CA10: variants seen among roughly 807,000 people sequenced by gnomAD.
The protein encoded by CA10 is carbonic anhydrase 10 (inactive), also known as carbonic anhydrase-related protein 10.
In CA10, 14 loss-of-function variants were observed where a neutral mutation model predicts 44.2. That is an observed-to-expected ratio of 0.32 (90% CI 0.21 to 0.50). The LOEUF is 0.50. CA10 is among the 20% of genes least tolerant of loss of function. The pLI, the probability that CA10 is intolerant of heterozygous loss-of-function variation, is 0.99. For synonymous variants in CA10, 159 were observed against 141.6 expected (o/e 1.12, Z -0.87); for missense variants, 350 against 409.7 (o/e 0.85, Z 1.26).
intron 4 of CA10, among the ~76,000 whole-genome samples, chr17:51,689,224 AT>A (rs1317954471): frequency 2.0e-5 from 3 of 152,212 alleles, no homozygotes; most frequent in African/African-American, 7.2e-5. Flanking sequence ...TATCTGCTAT[AT>A]AAAATACTAT....
In CA10 at chr17:51,948,806, A is replaced by G. The variant is rs977605095; in HGVS notation, c.137-17674T>C. 2.0e-5 allele frequency among the ~76,000 whole-genome samples: 3 copies of G among 152,138 alleles called. No individual in the cohort carries two copies. The East Asian group carries it at 5.8e-4, about 29-fold the overall frequency. On this transcript the variant is annotated intron_variant, in intron 2 of 8. Coordinates refer to ENST00000451037, the MANE Select transcript of CA10 (RefSeq NM_020178.5). ...CACTGGGCCCTAATTGACATAACTT[A>G]TTACTTGTAACAGAGTTACACAGAT... is the stretch of plus-strand genomic sequence containing the variant.
At chr17:52,078,783 G>A (rs1987884997) in intron 1 of CA10, among the ~76,000 whole-genome samples, 1 of 152,184 alleles carries the variant, frequency 6.6e-6, no homozygotes, top group East Asian at 1.9e-4. Flanking sequence ...TGAGCTGCAT[G>A]GCACTCACTA....
At chr17:51,871,333 G>C in intron 3 of CA10, among the ~76,000 whole-genome samples, 1 of 150,764 alleles carries the variant, frequency 6.6e-6, no homozygotes, top group East Asian at 1.9e-4. Flanking sequence ...CCAGGTTCAA[G>C]CGATTCTCCT....
At chr17:51,848,711 A>G (rs1271684028) in intron 3 of CA10, among the ~76,000 whole-genome samples, 1 of 152,200 alleles carries the variant, frequency 6.6e-6, no homozygotes, top group Admixed American at 6.5e-5. Context: ...CAAAACATTT[A>G]TAGTGGCCGG....
intron 3 of CA10, among the ~76,000 whole-genome samples, chr17:51,925,538 A>T (rs203080): frequency 0.68 from 103,360 of 151,896 alleles, 35,495 homozygotes; most frequent in Non-Finnish European, 0.71. Flanking sequence ...AGTGTGACAA[A>T]CCTCAAAAAG....
intron 3 of CA10, among the ~76,000 whole-genome samples, chr17:51,859,435 A>G (rs1275481904): frequency 6.6e-6 from 1 of 152,122 alleles, no homozygotes; most frequent in African/African-American, 2.4e-5. Flanking sequence ...CTGTTCCCTC[A>G]TATTGGAATT....
intron 1 of CA10, among the ~76,000 whole-genome samples, chr17:52,114,770 TATA>T (rs1367265259): frequency 6.6e-6 from 1 of 152,160 alleles, no homozygotes; most frequent in African/African-American, 2.4e-5. Flanking sequence ...ACGACCTAAT[TATA>T]ATATTATAAT....
chr17:51,693,488 T>G (rs916385726), intron 4 of CA10, among the ~76,000 whole-genome samples: 1 of 152,138 alleles, frequency 6.6e-6, no homozygotes, highest in Non-Finnish European at 1.5e-5. Flanking sequence ...TTTCACCCCC[T>G]ATCCACCCCC....
At position 51,831,733 on chromosome 17, in the gene CA10, A is replaced by AGCAGCAGCAGCAGCAGCCGCCGCAGC. The variant is rs1567854687; in HGVS notation, c.280-83916_280-83915insGCTGCGGCGGCTGCTGCTGCTGCTGC. Reference sequence around the variant, plus strand: ...GCAGCAGCAGCAGCAGCAGCAGCAGAAAAAGACCTTCCTTCCACCTTATTT... The same window carrying AGCAGCAGCAGCAGCAGCCGCCGCAGC: ...GCAGCAGCAGCAGCAGCAGCAGCAGAGCAGCAGCAGCAGCAGCCGCCGCAGCAAAAGACCTTCCTTCCACCTTATTT... On this transcript the variant is annotated intron_variant, in intron 3 of 8. Coordinates refer to ENST00000451037, the MANE Select transcript of CA10 (RefSeq NM_020178.5). Among the ~76,000 whole-genome samples, 2 of 121,520 alleles carry AGCAGCAGCAGCAGCAGCCGCCGCAGC rather than the reference A, an allele frequency of 1.6e-5. 1 individual carries two copies. The highest frequency in any genetic ancestry group is 8.3e-5 in the African/African-American group (2 of 24,168). The allele number at this position is 121,520 out of a possible 152,430, so 79.7% of individuals were successfully genotyped here.
chr17:51,766,800 G>T (rs912685316), intron 3 of CA10, among the ~76,000 whole-genome samples: 3 of 152,128 alleles, frequency 2.0e-5, no homozygotes, highest in Non-Finnish European at 4.4e-5. Flanking sequence ...ATTGTGAAAA[G>T]AAAAATTTTC....
At chr17:51,951,610 T>C (rs926149963) in intron 2 of CA10, among the ~76,000 whole-genome samples, 1 of 152,190 alleles carries the variant, frequency 6.6e-6, no homozygotes, top group Non-Finnish European at 1.5e-5. Context: ...TTGTCCTCCA[T>C]GCAAAAATTT....
At chr17:52,091,114 G>A (rs1988253117) in intron 1 of CA10, among the ~76,000 whole-genome samples, 1 of 151,794 alleles carries the variant, frequency 6.6e-6, no homozygotes, top group South Asian at 2.1e-4. Flanking sequence ...AAAAAAATCA[G>A]CATATAAAAA....
intron 1 of CA10, among the ~76,000 whole-genome samples, chr17:52,140,285 C>T (rs572609924): frequency 6.6e-6 from 1 of 152,096 alleles, no homozygotes; most frequent in Non-Finnish European, 1.5e-5. Flanking sequence ...GCTTCTAGAG[C>T]AAGGGTTAGC....
intron 3 of CA10, among the ~76,000 whole-genome samples, chr17:51,790,638 G>A (rs1239923304): frequency 6.6e-6 from 1 of 152,060 alleles, no homozygotes; most frequent in East Asian, 1.9e-4. Flanking sequence ...CTTTACACTG[G>A]GAAAAACAAT....
chr17:51,680,335 C>T (rs1241434130), intron 4 of CA10, among the ~76,000 whole-genome samples: 1 of 152,132 alleles, frequency 6.6e-6, no homozygotes, highest in Admixed American at 6.5e-5. Flanking sequence ...TGTCGAAAGC[C>T]TTAAGCCAGG....
intron 3 of CA10, among the ~76,000 whole-genome samples, chr17:51,766,434 T>C (rs911383201): frequency 1.3e-5 from 2 of 152,082 alleles, no homozygotes; most frequent in Admixed American, 6.5e-5. Flanking sequence ...TTGATTCCAG[T>C]GGAGTGGACA....
At chr17:52,099,317 T>C (rs903672942) in intron 1 of CA10, among the ~76,000 whole-genome samples, 12 of 152,146 alleles carry the variant, frequency 7.9e-5, no homozygotes, top group Admixed American at 7.2e-4. Flanking sequence ...AGAAAGGGGT[T>C]AGATCCTGCT....
At chr17:52,015,215 C>A (rs1034835670) in intron 2 of CA10, among the ~76,000 whole-genome samples, 1 of 151,964 alleles carries the variant, frequency 6.6e-6, no homozygotes, top group Non-Finnish European at 1.5e-5. Context: ...TTTCTAAGAA[C>A]AAAACCTCTG....
chr17:52,081,543 G>A (rs1387697112), intron 1 of CA10, among the ~76,000 whole-genome samples: 2 of 152,150 alleles, frequency 1.3e-5, no homozygotes, highest in Non-Finnish European at 2.9e-5. Context: ...GCTCACGCCT[G>A]TAGTCCCAGC....
Sources: allele counts gnomAD v4.1 joint callset (sites outside exome capture counted in the v4.1 genomes callset), GRCh38; gene constraint gnomAD v4.1.1; transcripts MANE v1.5; gene names NCBI Gene and HGNC (gene_info 2026-07-23, HGNC 2026-07-21).